Variants in CELF2 observed in about 807,000 individuals in gnomAD.
The protein encoded by CELF2 is CUGBP Elav-like family member 2.
A neutral mutation model predicts 62.6 loss-of-function variants in CELF2; 8 were observed. The ratio of observed to expected loss-of-function variants is 0.13; its 90% CI spans 0.07 to 0.23. The LOEUF is 0.23. Among genes scored for constraint, CELF2 ranks in the 10% least tolerant of loss-of-function variants. CELF2 has a pLI of 1.00. For missense variants in CELF2, 333 were observed against 671.0 expected, an observed-to-expected ratio of 0.50 and a Z score of 5.56; for synonymous variants, 258 against 250.0, an observed-to-expected ratio of 1.03 and a Z score of -0.30.
intron 1 of CELF2, among the ~76,000 whole-genome samples, chr10:11,072,039 C>T (rs1417800746): frequency 6.6e-6 from 1 of 152,072 alleles, no homozygotes; most frequent in Non-Finnish European, 1.5e-5. Flanking sequence ...TGGGTTATGT[C>T]CTTAGGATCA....
At chr10:11,020,432 G>C (rs1471715956) in intron 1 of CELF2, among the ~76,000 whole-genome samples, 1 of 152,066 alleles carries the variant, frequency 6.6e-6, no homozygotes, top group South Asian at 2.1e-4. Flanking sequence ...AGAGGTGTGT[G>C]GGGGGGAATA....
At chr10:10,596,350 C>A in the CELF2 span, among the ~76,000 whole-genome samples, 1 of 152,136 alleles carries the variant, frequency 6.6e-6, no homozygotes, top group East Asian at 1.9e-4. Context: ...GTTTTTGCTT[C>A]CCTGGGTTTA....
the CELF2 span, among the ~76,000 whole-genome samples, chr10:10,666,478 T>A: frequency 2.6e-5 from 4 of 152,122 alleles, no homozygotes; most frequent in African/African-American, 9.7e-5. Flanking sequence ...AAGTTGGTAG[T>A]GGAAGTAGCA....
At chr10:10,715,022 C>T in the CELF2 span, among the ~76,000 whole-genome samples, 5 of 151,994 alleles carry the variant, frequency 3.3e-5, no homozygotes, top group Non-Finnish European at 7.4e-5. Flanking sequence ...ATTATTGGAC[C>T]TAGGTGACAG....
intron 4 of CELF2, among the ~76,000 whole-genome samples, chr10:11,257,356 A>AAAAAAAAAT (rs3064887): frequency 6.9e-6 from 1 of 145,926 alleles, no homozygotes; most frequent in East Asian, 2.0e-4. Context: ...AAAAAAAAAA[A>AAAAAAAAAT]CAGAATAAAA....
At chr10:10,967,283 G>A (rs982560456) in intron 2 of CELF2, among the ~76,000 whole-genome samples, 2 of 152,198 alleles carry the variant, frequency 1.3e-5, no homozygotes, top group African/African-American at 4.8e-5. Flanking sequence ...TACGAGAGTA[G>A]GTTCCAGTCT....
chr10:10,503,855 T>G, the CELF2 span, among the ~76,000 whole-genome samples: 1 of 152,004 alleles, frequency 6.6e-6, no homozygotes, highest in Non-Finnish European at 1.5e-5. Context: ...TTGTTAGATT[T>G]CCCTTTTGGT....
chr10:11,172,042 G>A (rs2069051293), intron 2 of CELF2, among the ~76,000 whole-genome samples: 1 of 152,186 alleles, frequency 6.6e-6, no homozygotes, highest in African/African-American at 2.4e-5. Context: ...AATTGAGAAA[G>A]AATTCAAACT....
chr10:10,892,574 C>T (rs772641311), intron 1 of CELF2, among the ~76,000 whole-genome samples: 3 of 152,236 alleles, frequency 2.0e-5, no homozygotes, highest in Admixed American at 6.5e-5. Context: ...CAAAATGTCC[C>T]ATTCCACATT....
the CELF2 span, among the ~76,000 whole-genome samples, chr10:10,703,805 C>G: frequency 6.6e-6 from 1 of 152,208 alleles, no homozygotes; most frequent in Non-Finnish European, 1.5e-5. Context: ...AGCATTTTCT[C>G]AGACGAGGGA....
At chr10:10,651,867 A>T in the CELF2 span, among the ~76,000 whole-genome samples, 2 of 150,788 alleles carry the variant, frequency 1.3e-5, no homozygotes, top group Non-Finnish European at 3.0e-5. Context: ...ACAAAGCTGG[A>T]TGGAGAATGA....
chr10:10,537,740 A>T, the CELF2 span, among the ~76,000 whole-genome samples: 1 of 152,078 alleles, frequency 6.6e-6, no homozygotes, highest in African/African-American at 2.4e-5. Flanking sequence ...ATGAGTCTAG[A>T]TAACCCAGCT....
the CELF2 span, among the ~76,000 whole-genome samples, chr10:10,466,901 A>G: frequency 6.6e-6 from 1 of 152,020 alleles, no homozygotes; most frequent in East Asian, 1.9e-4. Flanking sequence ...TCATCTTAAT[A>G]TTGAGTTGTA....
At chr10:10,652,092 C>T in the CELF2 span, among the ~76,000 whole-genome samples, 28 of 136,296 alleles carry the variant, frequency 2.1e-4, no homozygotes, top group South Asian at 6.1e-4. Flanking sequence ...CCTCAGGAGC[C>T]GATGCGATCA....
the CELF2 span, among the ~76,000 whole-genome samples, chr10:10,570,923 G>C: frequency 1.3e-5 from 2 of 152,062 alleles, no homozygotes; most frequent in Admixed American, 6.6e-5. Flanking sequence ...GCTTTTTTGA[G>C]GTTGAAAGTG....
chr10:11,258,031 TC>T (rs1204138668), intron 5 of CELF2, among the ~76,000 whole-genome samples, 159 bp downstream of exon 5: 1 of 152,206 alleles, frequency 6.6e-6, no homozygotes, highest in African/African-American at 2.4e-5. Context: ...ATAGCTGAAA[TC>T]ATCACCTTTT....
intron 1 of CELF2, among the ~76,000 whole-genome samples, chr10:11,082,450 T>C (rs1594834529): frequency 6.6e-6 from 1 of 152,148 alleles, no homozygotes; most frequent in African/African-American, 2.4e-5. Flanking sequence ...CTGGCCTGGG[T>C]GAGGCACTGT....
rs568023367 is a variant in CELF2 at position 11,302,820 on chromosome 10, G to C, written c.977-11319G>C. On this transcript the variant is annotated intron_variant, in intron 9 of 12. Coordinates refer to ENST00000633077, the MANE Select transcript of CELF2 (RefSeq NM_001326342.2). The surrounding 1 kb of genome is among the most constrained non-coding windows in gnomAD (Gnocchi z 5.0). ...TTTTCACATTGTTCCGCTGTGCTGC[G>C]GACAGTGGAAGTTGGAGCCTTCACC... is the stretch of plus-strand genomic sequence containing the variant. 6.6e-6 allele frequency among the ~76,000 whole-genome samples: 1 copy of C among 152,140 alleles called. No individual in the cohort carries two copies. Among genetic ancestry groups the C allele is most frequent in the Admixed American group, 6.5e-5 (1 of 15,288 alleles).
chr10:10,944,974 G>A (rs866244773), intron 2 of CELF2, among the ~76,000 whole-genome samples: 72 of 152,230 alleles, frequency 4.7e-4, no homozygotes, highest in Admixed American at 3.9e-4. Flanking sequence ...GGGAGAAGGG[G>A]GCAGAGTCCC....
Sources: allele counts gnomAD v4.1 joint callset (sites outside exome capture counted in the v4.1 genomes callset), GRCh38; gene constraint gnomAD v4.1.1; non-coding constraint Gnocchi (gnomAD v3.1); transcripts MANE v1.5; gene names NCBI Gene and HGNC (gene_info 2026-07-23, HGNC 2026-07-21).